Variants in TBC1D15 observed in about 807,000 individuals in gnomAD.
The protein encoded by TBC1D15 is TBC1 domain family member 15.
Under a neutral mutation model 95.4 loss-of-function variants are expected in TBC1D15, and 39 were observed. That is an observed-to-expected ratio of 0.41 (90% CI 0.32 to 0.53). The LOEUF is 0.53. Ranked by LOEUF, TBC1D15 falls within the 20% of genes least tolerant of loss-of-function variation. The pLI is 0.29. For missense variants in TBC1D15, 733 were observed against 794.3 expected (o/e 0.92, Z 0.93); for synonymous variants, 258 against 261.3 (o/e 0.99, Z 0.12).
At chr12:71,902,440 C>G (rs1379855155) in intron 10 of TBC1D15, among the ~76,000 whole-genome samples, 1 of 152,174 alleles carries the variant, frequency 6.6e-6, no homozygotes, top group African/African-American at 2.4e-5. Flanking sequence ...CTACAGCCAT[C>G]TGATCTTCGA....
intron 1 of TBC1D15, among the ~76,000 whole-genome samples, chr12:71,854,053 T>C (rs1192070318): frequency 6.6e-6 from 1 of 152,210 alleles, no homozygotes; most frequent in African/African-American, 2.4e-5. Flanking sequence ...TCTAGCTGTA[T>C]TGGCATCCCC....
intron 1 of TBC1D15, among the ~76,000 whole-genome samples, chr12:71,860,662 T>C (rs1439119025): frequency 1.3e-5 from 2 of 152,204 alleles, no homozygotes; most frequent in African/African-American, 4.8e-5. Flanking sequence ...GGGTTTTCTA[T>C]GTGTAGGATT....
intron 15 of TBC1D15, among the ~76,000 whole-genome samples, 164 bp downstream of exon 15, chr12:71,921,011 A>G (rs17110424): frequency 0.098 from 14,887 of 152,010 alleles, 868 homozygotes; most frequent in East Asian, 0.16. Flanking sequence ...TCAAATACAT[A>G]TTGGCCAGTT....
At chr12:71,888,552 C>G (rs1896677172) in intron 5 of TBC1D15, among the ~76,000 whole-genome samples, 1 of 151,842 alleles carries the variant, frequency 6.6e-6, no homozygotes, top group Non-Finnish European at 1.5e-5. Flanking sequence ...AATAATTCAC[C>G]CCAGATTAGT....
intron 1 of TBC1D15, among the ~76,000 whole-genome samples, chr12:71,843,338 A>G (rs1885539505): frequency 6.6e-6 from 1 of 152,108 alleles, no homozygotes; most frequent in African/African-American, 2.4e-5. Flanking sequence ...AGAATTTGTG[A>G]TGTCATTTTT....
At chr12:71,859,618 T>G (rs28876676) in intron 1 of TBC1D15, among the ~76,000 whole-genome samples, 1 of 115,476 alleles carries the variant, frequency 8.7e-6, no homozygotes, top group Non-Finnish European at 1.6e-5. Context: ...ATCCTTTTTG[T>G]TTTTTTTGAG....
intron 14 of TBC1D15, among the ~76,000 whole-genome samples, chr12:71,919,723 A>C (rs367981846): frequency 2.6e-5 from 4 of 152,316 alleles, no homozygotes; most frequent in African/African-American, 7.2e-5. Flanking sequence ...ATTTATGCCT[A>C]GTGTTCCATT....
At chr12:71,868,029 A>T (rs901591041) in intron 1 of TBC1D15, among the ~76,000 whole-genome samples, 7 of 152,202 alleles carry the variant, frequency 4.6e-5, no homozygotes, top group Admixed American at 2.6e-4. Flanking sequence ...ACAAATTAAT[A>T]AATTTATTAA....
At chr12:71,849,650 G>T in intron 1 of TBC1D15, 2 of 570,914 alleles carry the variant, frequency 3.5e-6, no homozygotes, top group Non-Finnish European at 6.6e-6. Context: ...CAGCTAGTCG[G>T]TAGTAGTTTT....
chr12:71,911,678 A>G (rs1423218213), intron 11 of TBC1D15, among the ~76,000 whole-genome samples: 3 of 151,410 alleles, frequency 2.0e-5, no homozygotes, highest in Non-Finnish European at 4.4e-5. Context: ...ATGCTAAATG[A>G]TGAATTAATG....
Position 71,861,554 on chromosome 12 carries a change from T to C in TBC1D15, c.31-10516T>C, listed in dbSNP as rs915779140. The C allele has an allele frequency of 1.4e-5, 20 of 1,402,798 alleles. No homozygotes were observed. In the African/African-American group the frequency reaches 2.5e-4, roughly 18 times the overall value. The allele number at this position is 1,402,798 out of a possible 1,614,324, so 86.9% of individuals were successfully genotyped here. A position where few individuals can be genotyped will look rare whatever the true frequency, so the allele number is the denominator to read the frequency against. On this transcript the variant is annotated intron_variant, in intron 1 of 16. Transcript: ENST00000485960. Reference sequence around the variant, plus strand: ...CTGTGGTATGTTTTAATGTATAGTTTTTAAATTTCTGATTTTATTTGGGTC... The same window carrying C: ...CTGTGGTATGTTTTAATGTATAGTTCTTAAATTTCTGATTTTATTTGGGTC...
intron 14 of TBC1D15, 76 bp from the exon 15 acceptor site, chr12:71,920,655 T>C (rs1162515560): frequency 6.5e-6 from 7 of 1,080,538 alleles, no homozygotes; most frequent in Non-Finnish European, 9.9e-6. Flanking sequence ...AGTCATTCAG[T>C]GTTCAGAATT....
chr12:71,903,433 T>C (rs1899921006), intron 10 of TBC1D15, among the ~76,000 whole-genome samples: 1 of 152,188 alleles, frequency 6.6e-6, no homozygotes, highest in Non-Finnish European at 1.5e-5. Flanking sequence ...AGTAAATTAA[T>C]TCAGCCACTG....
At position 71,896,335 on chromosome 12, in the gene TBC1D15, G is replaced by A. The variant is rs1164867132; in HGVS notation, c.984+260G>A. On this transcript the variant is annotated intron_variant, in intron 8 of 16. Coordinates refer to ENST00000485960, the MANE Select transcript of TBC1D15 (RefSeq NM_001146213.3). ...TTAACTCTGGGGGAAGAATTCTTCC[G>A]TACTTGAAGTTCTGTGGGTTTTGTG... 4.0e-5 allele frequency: 17 copies of A among 424,396 alleles called. No homozygotes were observed. The South Asian group carries it at 4.3e-4, about 11-fold the overall frequency. 26.3% of individuals were successfully genotyped at this position (424,396 alleles called of 1,614,324 possible).
At position 71,857,740 on chromosome 12, in the gene TBC1D15, T is replaced by G. The variant is rs565609013; in HGVS notation, c.31-14330T>G. On this transcript the variant is annotated intron_variant, in intron 1 of 16. Coordinates refer to ENST00000485960, the MANE Select transcript of TBC1D15 (RefSeq NM_001146213.3). ...TGCTCTTCTATTTGAAAATATACAA[T>G]AAATTGTTAATTATATCATGTGATA... Among the ~76,000 whole-genome samples, 3 of 152,356 alleles carry G rather than the reference T, an allele frequency of 2.0e-5. No homozygotes were observed. In the East Asian group the frequency reaches 5.8e-4, roughly 29 times the overall value.
chr12:71,882,002 C>G (rs1319215358), intron 4 of TBC1D15, among the ~76,000 whole-genome samples: 1 of 151,028 alleles, frequency 6.6e-6, no homozygotes, highest in Non-Finnish European at 1.5e-5. Flanking sequence ...ATTTTGAACC[C>G]TCAAGCTTAG....
intron 6 of TBC1D15, 60 bp from the exon 7 acceptor site, chr12:71,894,626 G>T: frequency 7.0e-7 from 1 of 1,433,622 alleles, no homozygotes; most frequent in East Asian, 2.3e-5. Context: ...GCTCATGATG[G>T]AGTATTCGTT....
At chr12:71,887,952 A>G (rs1896554119) in intron 5 of TBC1D15, among the ~76,000 whole-genome samples, 1 of 152,232 alleles carries the variant, frequency 6.6e-6, no homozygotes, top group Non-Finnish European at 1.5e-5. Context: ...TTGAAAGGTT[A>G]TTGTGAGAAA....
At chr12:71,855,483 C>A (rs939751344) in intron 1 of TBC1D15, among the ~76,000 whole-genome samples, 7 of 151,726 alleles carry the variant, frequency 4.6e-5, no homozygotes, top group African/African-American at 1.7e-4. Context: ...CTGGCTAACA[C>A]GGTGAAACCC....
Sources: gnomAD v4.1 joint callset for allele counts (sites outside exome capture counted in the v4.1 genomes callset) on GRCh38, gnomAD v4.1.1 for gene constraint, MANE v1.5 for transcripts, NCBI Gene and HGNC (gene_info 2026-07-23, HGNC 2026-07-21) for gene names.